The following FBXL20 variants were observed in gnomAD, a reference collection of about 807,000 sequenced individuals.
FBXL20 encodes the protein F-box/LRR-repeat protein 20.
A neutral mutation model predicts 64.0 loss-of-function variants in FBXL20; 11 were observed. The observed-to-expected ratio is 0.17, with a 90% CI of 0.11 to 0.28. The LOEUF is 0.28. Ranked by LOEUF, FBXL20 falls within the 10% of genes least tolerant of loss-of-function variation. The pLI, the probability that FBXL20 is intolerant of heterozygous loss-of-function variation, is 1.00. For synonymous variants in FBXL20, 184 were observed against 189.0 expected, an observed-to-expected ratio of 0.97 and a Z score of 0.22; for missense variants, 303 against 526.2, an observed-to-expected ratio of 0.58 and a Z score of 4.15.
At chr17:39,307,749 T>C (rs1469949924) in intron 2 of FBXL20, among the ~76,000 whole-genome samples, 3 of 148,378 alleles carry the variant, frequency 2.0e-5, no homozygotes, top group African/African-American at 5.0e-5. Flanking sequence ...GGCGGGTGGA[T>C]CACCTGAGGT....
At chr17:39,267,053 G>A (rs2046798207) in intron 12 of FBXL20, among the ~76,000 whole-genome samples, 1 of 151,962 alleles carries the variant, frequency 6.6e-6, no homozygotes, top group Admixed American at 6.6e-5. Context: ...AGGAGTTCGA[G>A]ACCAGCCTGG....
At position 39,283,467 on chromosome 17, in the gene FBXL20, G is replaced by A. The variant is rs375657933; in HGVS notation, c.495-612C>T. Among the ~76,000 whole-genome samples, 123 of 151,256 alleles carry A rather than the reference G, an allele frequency of 8.1e-4. 1 individual carries two copies. The highest frequency in any genetic ancestry group is 2.9e-3 in the African/African-American group (119 of 41,196). ...CTTTTTTTTTTTGAGACAGGGTCTC[G>A]TTCTGTCACCCAGGCTGGAGTGCAG... is the stretch of plus-strand genomic sequence containing the variant. On this transcript the variant is annotated intron_variant, in intron 7 of 14. Coordinates refer to ENST00000264658, the MANE Select transcript of FBXL20 (RefSeq NM_032875.3).
chr17:39,358,272 G>A (rs1308867448), intron 1 of FBXL20, among the ~76,000 whole-genome samples: 1 of 152,118 alleles, frequency 6.6e-6, no homozygotes, highest in Non-Finnish European at 1.5e-5. Flanking sequence ...TGGTGAGGGC[G>A]GATCTTTCTT....
chr17:39,377,185 T>C (rs2047975370), intron 1 of FBXL20, among the ~76,000 whole-genome samples: 1 of 152,152 alleles, frequency 6.6e-6, no homozygotes, highest in African/African-American at 2.4e-5. Context: ...TGAGATATTT[T>C]GCAGACCCTG....
rs138210877 is a variant in FBXL20 at position 39,366,838 on chromosome 17, TTCA to T, written c.43-23600_43-23598del. ...CTCTTTATCCTCAGTTTACCAAAAT[TTCA>T]TCATCAAGCCTCTTGGTCTGAGGTT... On this transcript the variant is annotated intron_variant, in intron 1 of 14. Coordinates refer to ENST00000264658, the MANE Select transcript of FBXL20 (RefSeq NM_032875.3). Among the ~76,000 whole-genome samples, 865 of 152,188 alleles carry T rather than the reference TTCA, an allele frequency of 5.7e-3. 4 individuals are homozygous for T. The highest frequency in any genetic ancestry group is 8.3e-3 in the Non-Finnish European group (562 of 68,010).
At chr17:39,342,069 T>A (rs926108491) in intron 2 of FBXL20, among the ~76,000 whole-genome samples, 1 of 152,210 alleles carries the variant, frequency 6.6e-6, no homozygotes, top group Non-Finnish European at 1.5e-5. Context: ...AGACTAATTA[T>A]TTAAAAACAG....
intron 2 of FBXL20, among the ~76,000 whole-genome samples, chr17:39,313,075 T>C (rs944267770): frequency 4.2e-5 from 6 of 143,952 alleles, no homozygotes; most frequent in African/African-American, 1.3e-4. Flanking sequence ...CGCACCATCA[T>C]GCCTGGCTAA....
chr17:39,272,837 T>C (rs1457427671), intron 10 of FBXL20, among the ~76,000 whole-genome samples: 2 of 152,136 alleles, frequency 1.3e-5, no homozygotes. Flanking sequence ...TTTTCCATTC[T>C]AACAATGTAA....
rs938479968 is a variant in FBXL20 at position 39,397,848 on chromosome 17, G to A, written c.42+3513C>T. 1.3e-5 allele frequency among the ~76,000 whole-genome samples: 2 copies of A among 149,584 alleles called. 1 individual carries two copies. Among genetic ancestry groups the A allele is most frequent in the South Asian group, 4.2e-4 (2 of 4,790 alleles). On this transcript the variant is annotated intron_variant, in intron 1 of 14. Coordinates refer to ENST00000264658, the MANE Select transcript of FBXL20 (RefSeq NM_032875.3). ...TGCTAAAAAAAAAAGCAGGATGACA[G>A]TGGAGTCAAAAAAAAAAAATGCAGA...
chr17:39,402,212 C>G (rs893740417), upstream of FBXL20: 2 of 1,232,056 alleles, frequency 1.6e-6, no homozygotes, highest in Admixed American at 4.2e-5. Flanking sequence ...GGTCCCTGCT[C>G]GGAGCCATTT....
At chr17:39,282,250 C>T (rs2046955552) in intron 8 of FBXL20, among the ~76,000 whole-genome samples, 1 of 152,030 alleles carries the variant, frequency 6.6e-6, no homozygotes, top group African/African-American at 2.4e-5. Flanking sequence ...TTTTTAATGA[C>T]AAAATATGTT....
In FBXL20 at chr17:39,307,691, T is replaced by C. The variant is rs569454264; in HGVS notation, c.105-4052A>G. Among the ~76,000 whole-genome samples, 7 of 152,086 alleles carry C rather than the reference T, an allele frequency of 4.6e-5. No individual in the cohort carries two copies. The East Asian group carries it at 9.7e-4, about 21-fold the overall frequency. On this transcript the variant is annotated intron_variant, in intron 2 of 14. Coordinates refer to ENST00000264658, the MANE Select transcript of FBXL20 (RefSeq NM_032875.3). ...GGCCAGAATATGTTAAAAAAAAGACTGGGCGCAGTGGCTCACACCTGTAAT... is the reference window on the plus strand; with the variant it reads ...GGCCAGAATATGTTAAAAAAAAGACCGGGCGCAGTGGCTCACACCTGTAAT...
intron 1 of FBXL20, among the ~76,000 whole-genome samples, chr17:39,374,864 G>A (rs932146940): frequency 5.9e-5 from 9 of 151,792 alleles, no homozygotes; most frequent in Admixed American, 2.0e-4. Flanking sequence ...TCGGCTCACT[G>A]CAACCTCCGC....
At chr17:39,306,275 C>G (rs957029815) in intron 2 of FBXL20, among the ~76,000 whole-genome samples, 2 of 151,626 alleles carry the variant, frequency 1.3e-5, no homozygotes, top group African/African-American at 4.8e-5. Flanking sequence ...CTCAGCCTTC[C>G]GAGTAGCTGG....
intron 2 of FBXL20, among the ~76,000 whole-genome samples, chr17:39,331,681 T>A (rs2047462780): frequency 6.6e-6 from 1 of 152,228 alleles, no homozygotes; most frequent in Non-Finnish European, 1.5e-5. Context: ...CAAATGTTTG[T>A]ATCCACATTA....
intron 1 of FBXL20, among the ~76,000 whole-genome samples, chr17:39,386,024 C>CAAAAAAAAAAAAAAAAAAA: frequency 2.5e-5 from 1 of 39,632 alleles, no homozygotes. Context: ...GATTCCGTCT[C>CAAAAAAAAAAAAAAAAAAA]AAAAAAAAAA....
intron 6 of FBXL20, among the ~76,000 whole-genome samples, chr17:39,290,147 A>G (rs1038043884): frequency 1.3e-5 from 2 of 150,928 alleles, no homozygotes; most frequent in Non-Finnish European, 2.9e-5. Flanking sequence ...ATTATTTTTA[A>G]GTTTATCCTT....
chr17:39,302,895 T>C (rs1343976861), intron 3 of FBXL20, among the ~76,000 whole-genome samples: 2 of 151,932 alleles, frequency 1.3e-5, no homozygotes, highest in African/African-American at 4.8e-5. Flanking sequence ...TTAGAAAAGA[T>C]ACTATCATTG....
Position 39,258,893 on chromosome 17 carries a change from G to C in FBXL20, c.*2567C>G, listed in dbSNP as rs1369879478. The C allele has an allele frequency of 6.6e-6, 1 of 152,126 alleles. No individual in the cohort carries two copies. The highest frequency in any genetic ancestry group is 1.5e-5 in the Non-Finnish European group (1 of 68,032). 9.4% of individuals were successfully genotyped at this position (152,126 alleles called of 1,614,324 possible). On this transcript the variant is annotated 3_prime_UTR_variant, in exon 15 of 15. Coordinates refer to ENST00000264658, the MANE Select transcript of FBXL20 (RefSeq NM_032875.3). ...ATGCACGTATGTATTTTTATGTGTAGGGGTACAGACAAGAAACTGAGTTTC... is the reference window on the plus strand; with the variant it reads ...ATGCACGTATGTATTTTTATGTGTACGGGTACAGACAAGAAACTGAGTTTC...
Sources: gnomAD v4.1 joint callset for allele counts (sites outside exome capture counted in the v4.1 genomes callset) on GRCh38, gnomAD v4.1.1 for gene constraint, MANE v1.5 for transcripts, NCBI Gene and HGNC (gene_info 2026-07-23, HGNC 2026-07-21) for gene names.